CNIH3: variants seen among roughly 807,000 people sequenced by gnomAD.
The protein encoded by CNIH3 is cornichon family AMPA receptor auxiliary protein 3, also known as protein cornichon homolog 3.
CNIH3 carries 14 observed loss-of-function variants against 24.1 expected under a neutral mutation model. The observed-to-expected ratio is 0.58, with a 90% confidence interval of 0.38 to 0.91. The LOEUF is 0.91. Among genes scored for constraint, CNIH3 ranks in the 40% least tolerant of loss-of-function variants. The pLI is 0.00. For missense variants in CNIH3, 178 were observed against 196.8 expected (o/e 0.90, Z 0.57); for synonymous variants, 68 against 73.8 (o/e 0.92, Z 0.40).
At chr1:224,692,468 C>T (rs1332730837) in intron 3 of CNIH3, among the ~76,000 whole-genome samples, 1 of 152,024 alleles carries the variant, frequency 6.6e-6, no homozygotes, top group Non-Finnish European at 1.5e-5. Flanking sequence ...GGACATGATA[C>T]GTGAAAAGGG....
chr1:224,555,787 G>A (rs538652438), intron 3 of CNIH3, among the ~76,000 whole-genome samples: 5 of 151,156 alleles, frequency 3.3e-5, no homozygotes, highest in Admixed American at 2.0e-4. Context: ...TTTTTTCCTC[G>A]GTCTCAAACC....
chr1:224,441,542 G>A (rs776921506), intron 1 of CNIH3, among the ~76,000 whole-genome samples: 10 of 152,164 alleles, frequency 6.6e-5, no homozygotes, highest in Admixed American at 2.6e-4. Flanking sequence ...TCTCAGTTTC[G>A]AATGTGTTGT....
intron 1 of CNIH3, chr1:224,435,067 C>A: frequency 2.0e-6 from 2 of 985,666 alleles, no homozygotes; most frequent in Non-Finnish European, 2.4e-6. Context: ...AGTTCGTAGC[C>A]GCCCTCCGAA....
At chr1:224,490,162 C>T (rs1291481248) in intron 1 of CNIH3, among the ~76,000 whole-genome samples, 1 of 152,098 alleles carries the variant, frequency 6.6e-6, no homozygotes, top group African/African-American at 2.4e-5. Flanking sequence ...ATAAAAAATG[C>T]AACAAGTATT....
At chr1:224,487,686 G>A (rs1677080228) in intron 1 of CNIH3, among the ~76,000 whole-genome samples, 1 of 152,200 alleles carries the variant, frequency 6.6e-6, no homozygotes. Context: ...AAACAGTTAG[G>A]TGAGAAAAGC....
intron 3 of CNIH3, among the ~76,000 whole-genome samples, chr1:224,601,735 C>T (rs1374264758): frequency 6.6e-6 from 1 of 152,186 alleles, no homozygotes; most frequent in African/African-American, 2.4e-5. Context: ...GTTGTTTAAG[C>T]CACCCAGTCT....
chr1:224,671,197 A>G (rs994619288), intron 1 of CNIH3, among the ~76,000 whole-genome samples: 2 of 152,168 alleles, frequency 1.3e-5, no homozygotes, highest in African/African-American at 4.8e-5. Flanking sequence ...ATCTACACAC[A>G]TCCTGTTGGT....
chr1:224,665,658 A>G (rs897293509), intron 1 of CNIH3, among the ~76,000 whole-genome samples: 2 of 152,130 alleles, frequency 1.3e-5, no homozygotes, highest in African/African-American at 4.8e-5. Context: ...GCATCTACTT[A>G]TATGTGGTAG....
Position 224,616,671 on chromosome 1 carries a change from C to G in CNIH3, c.-504C>G. On this transcript the variant is annotated 5_prime_UTR_variant, in exon 1 of 6. Transcript: ENST00000272133. ...ATTTGGGAGGAGCTCGGAGGCCGCT[C>G]GGGCACCTCGCTGGACACTATCCGT... 5 of 988,570 alleles carry G rather than the reference C, an allele frequency of 5.1e-6. No homozygotes were observed. Among genetic ancestry groups the G allele is most frequent in the Non-Finnish European group, 6.0e-6 (5 of 832,226 alleles). 61.2% of individuals were successfully genotyped at this position (988,570 alleles called of 1,614,324 possible). A position where few individuals can be genotyped will look rare whatever the true frequency, so the allele number is the denominator to read the frequency against.
chr1:224,445,904 C>A (rs891395969), intron 1 of CNIH3, among the ~76,000 whole-genome samples: 1 of 152,140 alleles, frequency 6.6e-6, no homozygotes, highest in Non-Finnish European at 1.5e-5. Context: ...TGTCTACAAC[C>A]ATTCTGTAGT....
At chr1:224,552,835 T>G (rs1679979090) in intron 3 of CNIH3, among the ~76,000 whole-genome samples, 1 of 150,532 alleles carries the variant, frequency 6.6e-6, no homozygotes, top group Non-Finnish European at 1.5e-5. Flanking sequence ...GGGTAGACAT[T>G]GGATGTATGC....
intron 1 of CNIH3, among the ~76,000 whole-genome samples, chr1:224,488,466 T>TA (rs1553257571): frequency 7.4e-6 from 1 of 134,658 alleles, no homozygotes; most frequent in East Asian, 2.2e-4. Flanking sequence ...AATTTTTTTT[T>TA]GGGGGGTGGG....
chr1:224,674,130 A>G (rs1686008870), intron 1 of CNIH3, among the ~76,000 whole-genome samples: 1 of 152,194 alleles, frequency 6.6e-6, no homozygotes, highest in Admixed American at 6.5e-5. Flanking sequence ...AGCCTTCAGA[A>G]ATAAGAGGAG....
upstream of CNIH3, among the ~76,000 whole-genome samples, chr1:224,614,744 C>T (rs1053455693): frequency 2.0e-5 from 3 of 151,932 alleles, no homozygotes; most frequent in South Asian, 4.2e-4. Flanking sequence ...GTCAAGAGAT[C>T]GAGACCATCT....
At chr1:224,478,562 T>G (rs1008932246) in intron 1 of CNIH3, among the ~76,000 whole-genome samples, 1 of 152,244 alleles carries the variant, frequency 6.6e-6, no homozygotes, top group African/African-American at 2.4e-5. Flanking sequence ...CTGTATTATC[T>G]TGAATTTCTT....
At chr1:224,635,548 G>A (rs77508461) in intron 1 of CNIH3, among the ~76,000 whole-genome samples, 3 of 152,304 alleles carry the variant, frequency 2.0e-5, no homozygotes, top group African/African-American at 4.8e-5. Flanking sequence ...ATAAAGTGCC[G>A]GGGGCTGTGC....
rs138610778 is a variant in CNIH3 at position 224,725,851 on chromosome 1, A to G, written c.199-4611A>G. On this transcript the variant is annotated intron_variant, in intron 3 of 5. Transcript: ENST00000272133. ...TTCCTACTTCTTTTCCTTTAGGGGTAAGAAGAATCTCTCCCACAACCCCTG... is the reference window on the plus strand; with the variant it reads ...TTCCTACTTCTTTTCCTTTAGGGGTGAGAAGAATCTCTCCCACAACCCCTG... Among the ~76,000 whole-genome samples, 390 of 152,254 alleles carry G rather than the reference A, an allele frequency of 2.6e-3. 2 individuals are homozygous for G. Among genetic ancestry groups the G allele is most frequent in the Non-Finnish European group, 4.3e-3 (290 of 68,012 alleles).
At chr1:224,579,218 T>C (rs1044601890) in intron 4 of CNIH3, among the ~76,000 whole-genome samples, 4 of 152,174 alleles carry the variant, frequency 2.6e-5, no homozygotes, top group African/African-American at 9.7e-5. Flanking sequence ...TTTTGTCTTT[T>C]CATAAGCTCT....
At chr1:224,708,055 A>G (rs1572772328) in intron 3 of CNIH3, among the ~76,000 whole-genome samples, 1 of 152,078 alleles carries the variant, frequency 6.6e-6, no homozygotes, top group South Asian at 2.1e-4. Context: ...CGCTGCCTCC[A>G]TGGGCAGCTC....
Sources: gnomAD v4.1 joint callset for allele counts (sites outside exome capture counted in the v4.1 genomes callset) on GRCh38, gnomAD v4.1.1 for gene constraint, MANE v1.5 for transcripts, NCBI Gene and HGNC (gene_info 2026-07-23, HGNC 2026-07-21) for gene names.